GOLM1: variants seen among roughly 807,000 people sequenced by gnomAD.
GOLM1 encodes the protein epididymis luminal protein 46.
In GOLM1, 31 loss-of-function variants were observed where a neutral mutation model predicts 50.5. That is an observed-to-expected ratio of 0.61 (90% CI 0.46 to 0.83). GOLM1 has a LOEUF of 0.83. Ranked by LOEUF, GOLM1 falls within the 40% of genes least tolerant of loss-of-function variation. GOLM1 has a pLI of 0.00. For synonymous variants in GOLM1, 178 were observed against 192.8 expected (o/e 0.92, Z 0.64); for missense variants, 491 against 501.3 (o/e 0.98, Z 0.20).
At chr9:86,030,218 C>CAAAAAAAAAAAAA (rs35215928) in intron 9 of GOLM1, among the ~76,000 whole-genome samples, 1 of 73,440 alleles carries the variant, frequency 1.4e-5, no homozygotes, top group Non-Finnish European at 2.5e-5. Context: ...GACTCTGTCT[C>CAAAAAAAAAAAAA]AAAAAAAAAA....
In GOLM1 at chr9:86,028,006, C is replaced by T. The variant is rs1832838767; in HGVS notation, c.1130-113G>A. On this transcript the variant is annotated intron_variant, in intron 9 of 9. Transcript: ENST00000388712. ...AACTGTCATAAAGAGGACTGCATCT[C>T]CCACAGCAACACTGTAATTGGGAGT... 47 of 628,208 alleles carry T rather than the reference C, an allele frequency of 7.5e-5. No homozygotes were observed. In the South Asian group the frequency reaches 9.0e-4, roughly 12 times the overall value. 38.9% of individuals were successfully genotyped at this position (628,208 alleles called of 1,614,324 possible).
At chr9:86,079,414 AC>A in intron 1 of GOLM1, 73 bp from the exon 2 acceptor site, 1 of 1,245,104 alleles carries the variant, frequency 8.0e-7, no homozygotes. Flanking sequence ...TATCATCCTT[AC>A]AACCAAGAGG....
chr9:86,080,894 G>T (rs550738488), intron 1 of GOLM1, among the ~76,000 whole-genome samples: 155 of 152,086 alleles, frequency 1.0e-3, no homozygotes, highest in African/African-American at 3.5e-3. Flanking sequence ...TAAAATTTTT[G>T]TTTATTTATT....
At chr9:86,080,338 T>C (rs747109463) in intron 1 of GOLM1, among the ~76,000 whole-genome samples, 13 of 152,254 alleles carry the variant, frequency 8.5e-5, no homozygotes, top group Admixed American at 1.3e-4. Context: ...ACAAGGAAAG[T>C]AGACTTTTCC....
chr9:86,045,499 T>TC (rs1308778091), intron 5 of GOLM1, among the ~76,000 whole-genome samples: 1 of 150,452 alleles, frequency 6.6e-6, no homozygotes, highest in Non-Finnish European at 1.5e-5. Flanking sequence ...ATGGTGAAAC[T>TC]CCATCTCGAC....
chr9:86,053,548 A>T (rs115017512), intron 3 of GOLM1, among the ~76,000 whole-genome samples: 25 of 376 alleles, frequency 0.066, 4 homozygotes, highest in Middle Eastern at 0.5. Flanking sequence ...ACCACACCAA[A>T]CACACACTAC....
intron 3 of GOLM1, among the ~76,000 whole-genome samples, chr9:86,054,661 C>A (rs977387431): frequency 3.9e-5 from 6 of 152,180 alleles, no homozygotes; most frequent in African/African-American, 1.4e-4. Flanking sequence ...CCAGCTCCAA[C>A]AAGTGTGCTC....
chr9:86,094,712 T>C (rs574455402), intron 1 of GOLM1, among the ~76,000 whole-genome samples: 17 of 152,198 alleles, frequency 1.1e-4, no homozygotes, highest in South Asian at 6.2e-4. Context: ...GGAGGATCAC[T>C]TGAGCCCAGG....
At chr9:86,033,234 AAG>A in intron 9 of GOLM1, 46 bp downstream of exon 9, 1 of 1,013,484 alleles carries the variant, frequency 9.9e-7, no homozygotes, top group Non-Finnish European at 1.6e-6. Flanking sequence ...AGGACCAGGA[AAG>A]AGAAATGAAA....
chr9:86,058,630 A>C (rs1475852840), intron 3 of GOLM1, among the ~76,000 whole-genome samples: 2 of 143,226 alleles, frequency 1.4e-5, no homozygotes, highest in Non-Finnish European at 3.0e-5. Context: ...TAGGAGGCGG[A>C]GGTTGCAGTG....
In GOLM1 at chr9:86,079,279, C is replaced by T. The variant is rs138803272; in HGVS notation, c.42G>A (p.Pro14=). The change falls in exon 2 of 10, where the codon CCG becomes CCA. Residue 14 remains proline, a synonymous_variant. Coordinates refer to ENST00000388712, the MANE Select transcript of GOLM1 (RefSeq NM_016548.4). The part of the protein sequence containing the change: ...LGNGRRSMKS[P]PLVLAALVAC... ...CCACCAGGGCGGCCAGCACGAGGGG[C>T]GGCGACTTCATGCTGCGACGCCCGT... 5.6e-6 allele frequency: 9 copies of T among 1,609,012 alleles called. No homozygotes were observed. The highest frequency in any genetic ancestry group is 2.7e-5 in the African/African-American group (2 of 74,796).
chr9:86,050,061 G>C (rs544154353), intron 4 of GOLM1, among the ~76,000 whole-genome samples: 74 of 152,272 alleles, frequency 4.9e-4, no homozygotes, highest in African/African-American at 1.7e-3. Flanking sequence ...AGTTTATTGA[G>C]TTTTTAGCAT....
chr9:86,054,417 T>C (rs1833923396), intron 3 of GOLM1, among the ~76,000 whole-genome samples: 1 of 152,004 alleles, frequency 6.6e-6, no homozygotes, highest in Admixed American at 6.6e-5. Flanking sequence ...AGAGATGGGG[T>C]TTCACCATGT....
chr9:86,048,345 T>C (rs1833624361), intron 4 of GOLM1, among the ~76,000 whole-genome samples: 1 of 152,190 alleles, frequency 6.6e-6, no homozygotes, highest in African/African-American at 2.4e-5. Flanking sequence ...CGTGTGCATG[T>C]GTCTTTACAA....
At chr9:86,028,608 G>T (rs763404611) in intron 9 of GOLM1, among the ~76,000 whole-genome samples, 3 of 152,188 alleles carry the variant, frequency 2.0e-5, no homozygotes, top group Non-Finnish European at 2.9e-5. Flanking sequence ...GGGTCTAATT[G>T]AACTGATTAA....
At chr9:86,049,874 A>G (rs1833680938) in intron 4 of GOLM1, among the ~76,000 whole-genome samples, 1 of 152,202 alleles carries the variant, frequency 6.6e-6, no homozygotes, top group South Asian at 2.1e-4. Flanking sequence ...CTCCTGCCTG[A>G]CTGCCCTGGC....
In GOLM1 at chr9:86,033,289, GT is replaced by G; in HGVS notation, c.1121del (p.Asn374ThrfsTer2). On this transcript the variant is annotated frameshift_variant, in exon 9 of 10. Transcript: ENST00000388712. LOFTEE classifies it high-confidence loss of function. Reference protein sequence around the residue: ...KQAALAGNDRNIDVFNVEDQK... With the variant: ...KQAALAGNDRXIDVFNVEDQK... ...TGTAGGCCCCATTCTTACCATCTAT[GT>G]TTCTGTCATTCCCTGCCAGGGCTGC... is the stretch of plus-strand genomic sequence containing the variant. The G allele has an allele frequency of 6.3e-7, 1 of 1,584,904 alleles. No homozygotes were observed.
intron 9 of GOLM1, among the ~76,000 whole-genome samples, chr9:86,030,248 GAAGT>G (rs1265342358): frequency 7.1e-6 from 1 of 141,702 alleles, no homozygotes; most frequent in African/African-American, 2.6e-5. Flanking sequence ...AAAAAGAATA[GAAGT>G]AAGACAGTGA....
At chr9:86,050,914 T>A (rs1833726023) in intron 4 of GOLM1, among the ~76,000 whole-genome samples, 1 of 152,200 alleles carries the variant, frequency 6.6e-6, no homozygotes, top group African/African-American at 2.4e-5. Flanking sequence ...GGCTTTTGAA[T>A]GTGTTTGCTC....
Sources: gnomAD v4.1 joint callset for allele counts (sites outside exome capture counted in the v4.1 genomes callset) on GRCh38, gnomAD v4.1.1 for gene constraint, MANE v1.5 for transcripts, NCBI Gene and HGNC (gene_info 2026-07-23, HGNC 2026-07-21) for gene names.